ADGRL3: variants seen among roughly 807,000 people sequenced by gnomAD.
ADGRL3 encodes the protein adhesion G protein-coupled receptor L3, also known as calcium-independent alpha-latrotoxin receptor 3.
In ADGRL3, 62 loss-of-function variants were observed where a neutral mutation model predicts 153.5. The observed-to-expected ratio is 0.40, with a 90% CI of 0.33 to 0.50. The LOEUF (loss-of-function observed/expected upper bound fraction) is 0.50, where lower values mean the gene tolerates loss of function less well. Among genes scored for constraint, ADGRL3 ranks in the 20% least tolerant of loss-of-function variants. The pLI, the probability that ADGRL3 is intolerant of heterozygous loss-of-function variation, is 0.47. For missense variants in ADGRL3, 1,641 were observed against 1,859.4 expected, an observed-to-expected ratio of 0.88 and a Z score of 2.16; for synonymous variants, 710 against 672.5, an observed-to-expected ratio of 1.06 and a Z score of -0.86.
At chr4:61,475,418 G>C (rs1284443443) in intron 2 of ADGRL3, among the ~76,000 whole-genome samples, 5 of 152,034 alleles carry the variant, frequency 3.3e-5, no homozygotes, top group African/African-American at 1.2e-4. Flanking sequence ...TTTTTTTCCT[G>C]TCATTCCCAC....
intron 5 of ADGRL3, among the ~76,000 whole-genome samples, chr4:61,674,318 T>C (rs2095113587): frequency 6.6e-6 from 1 of 151,730 alleles, no homozygotes; most frequent in South Asian, 2.1e-4. Flanking sequence ...ATTTTAACTA[T>C]TATGCTCTGG....
chr4:61,698,409 G>A (rs1365108875), intron 6 of ADGRL3, among the ~76,000 whole-genome samples: 3 of 151,974 alleles, frequency 2.0e-5, no homozygotes, highest in Admixed American at 6.6e-5. Flanking sequence ...CCGAGATCAC[G>A]CCACTGCACT....
chr4:61,406,552 T>G (rs2096999647), intron 2 of ADGRL3, among the ~76,000 whole-genome samples: 1 of 151,848 alleles, frequency 6.6e-6, no homozygotes, highest in African/African-American at 2.4e-5. Context: ...TGCATTTTAA[T>G]AAAAAACTAA....
intron 6 of ADGRL3, among the ~76,000 whole-genome samples, chr4:61,694,195 T>A (rs1471340191): frequency 3.3e-4 from 16 of 48,772 alleles, no homozygotes; most frequent in African/African-American, 1.4e-3. Context: ...TTTTTTTTTT[T>A]TTTTTTTTTT....
chr4:61,983,706 G>A, intron 19 of ADGRL3, 103 bp downstream of exon 19: 2 of 982,596 alleles, frequency 2.0e-6, no homozygotes, highest in Non-Finnish European at 3.1e-6. Flanking sequence ...AAGAAACTGG[G>A]CAGCAAATGT....
intron 1 of ADGRL3, among the ~76,000 whole-genome samples, chr4:61,230,347 G>A (rs774218561): frequency 1.3e-5 from 2 of 152,110 alleles, no homozygotes; most frequent in African/African-American, 4.8e-5. Flanking sequence ...ATGAAACAGT[G>A]CTTAGTAGAC....
At chr4:61,432,988 C>G (rs957599601) in intron 2 of ADGRL3, among the ~76,000 whole-genome samples, 2 of 151,890 alleles carry the variant, frequency 1.3e-5, no homozygotes, top group African/African-American at 2.4e-5. Context: ...TTAAAACTGG[C>G]AATTCTAGAT....
At chr4:61,393,335 T>G (rs1347835941) in intron 2 of ADGRL3, among the ~76,000 whole-genome samples, 1 of 152,208 alleles carries the variant, frequency 6.6e-6, no homozygotes, top group East Asian at 1.9e-4. Context: ...TTTTGGTGCC[T>G]GACAGAAATC....
At chr4:61,550,011 T>G (rs1256573753) in intron 4 of ADGRL3, among the ~76,000 whole-genome samples, 2 of 151,988 alleles carry the variant, frequency 1.3e-5, no homozygotes, top group African/African-American at 4.8e-5. Context: ...TCACATTTAA[T>G]ATACTCAAAT....
chr4:61,988,098 T>C (rs1031635981), intron 19 of ADGRL3, among the ~76,000 whole-genome samples: 1 of 151,762 alleles, frequency 6.6e-6, no homozygotes, highest in Non-Finnish European at 1.5e-5. Flanking sequence ...CTATGAAATG[T>C]TGTTAGGGCT....
chr4:61,378,046 C>T (rs1318809395), intron 1 of ADGRL3, among the ~76,000 whole-genome samples: 1 of 151,832 alleles, frequency 6.6e-6, no homozygotes, highest in East Asian at 1.9e-4. Flanking sequence ...TTTGGTTAGG[C>T]AACACAATTT....
intron 2 of ADGRL3, among the ~76,000 whole-genome samples, chr4:61,409,324 C>CATCCATTATATATA (rs1313713447): frequency 3.1e-5 from 4 of 130,784 alleles, no homozygotes; most frequent in African/African-American, 8.4e-5. Flanking sequence ...ATATATTAGA[C>CATCCATTATATATA]ATATATATTA....
At chr4:61,960,045 A>G (rs1363555841) in intron 17 of ADGRL3, among the ~76,000 whole-genome samples, 1 of 152,214 alleles carries the variant, frequency 6.6e-6, no homozygotes, top group Non-Finnish European at 1.5e-5. Flanking sequence ...AAATTTCTTG[A>G]AAAGAAACTG....
At chr4:61,436,988 A>G (rs1316557058) in intron 2 of ADGRL3, among the ~76,000 whole-genome samples, 1 of 152,152 alleles carries the variant, frequency 6.6e-6, no homozygotes, top group Non-Finnish European at 1.5e-5. Context: ...AGGAACTATG[A>G]ACATAATAGC....
At chr4:61,629,721 C>CAAAAAAAA (rs59504485) in intron 5 of ADGRL3, among the ~76,000 whole-genome samples, 1 of 33,446 alleles carries the variant, frequency 3.0e-5, no homozygotes, top group Non-Finnish European at 4.9e-5. Flanking sequence ...CGTCTCGGGG[C>CAAAAAAAA]AAAAAAAAAA....
At chr4:61,516,425 A>G (rs2098495688) in intron 3 of ADGRL3, among the ~76,000 whole-genome samples, 1 of 152,152 alleles carries the variant, frequency 6.6e-6, no homozygotes, top group African/African-American at 2.4e-5. Flanking sequence ...TTCTGTTGAC[A>G]GACAGATTTT....
At chr4:61,769,730 C>A (rs368917086) in intron 8 of ADGRL3, among the ~76,000 whole-genome samples, 1 of 129,462 alleles carries the variant, frequency 7.7e-6, no homozygotes, top group African/African-American at 3.0e-5. Context: ...TGTTCTCTGG[C>A]GGGTAGGAGT....
chr4:61,440,239 G>C (rs748894145), intron 2 of ADGRL3, among the ~76,000 whole-genome samples: 11 of 152,088 alleles, frequency 7.2e-5, no homozygotes, highest in Non-Finnish European at 1.2e-4. Flanking sequence ...AGTAGAGCCA[G>C]GGTTTCGCCA....
At chr4:61,694,179 ATTTTTTTTTTTTTT>A (rs554084495) in intron 6 of ADGRL3, among the ~76,000 whole-genome samples, 8 of 26,668 alleles carry the variant, frequency 3.0e-4, no homozygotes, top group African/African-American at 1.2e-3. Context: ...TTTTGTCATT[ATTTTTTTTTTTTTT>A]TTTTTTTTTT....
Sources: allele counts gnomAD v4.1 joint callset (sites outside exome capture counted in the v4.1 genomes callset), GRCh38; gene constraint gnomAD v4.1.1; transcripts MANE v1.5; gene names NCBI Gene and HGNC (gene_info 2026-07-23, HGNC 2026-07-21).